Variants in LRRC4C observed in about 807,000 individuals in gnomAD.
The protein encoded by LRRC4C is leucine rich repeat containing 4C.
LRRC4C carries 5 observed loss-of-function variants against 33.6 expected under a neutral mutation model. That is an observed-to-expected ratio of 0.15 (90% CI 0.08 to 0.31). LRRC4C has a LOEUF of 0.31. LRRC4C is among the 10% of genes least tolerant of loss of function. LRRC4C has a pLI of 1.00. For missense variants in LRRC4C, 560 were observed against 796.7 expected (o/e 0.70, Z 3.58); for synonymous variants, 329 against 302.0 (o/e 1.09, Z -0.93).
At chr11:40,944,682 T>C (rs112559047) in intron 1 of LRRC4C, among the ~76,000 whole-genome samples, 75 of 152,252 alleles carry the variant, frequency 4.9e-4, no homozygotes, top group African/African-American at 1.7e-3. Context: ...GTCCTCGAGA[T>C]GATTCTGCAA....
At chr11:40,885,174 G>A (rs1239167583) in intron 2 of LRRC4C, among the ~76,000 whole-genome samples, 1 of 151,978 alleles carries the variant, frequency 6.6e-6, no homozygotes, top group East Asian at 1.9e-4. Flanking sequence ...TAAATTTATT[G>A]CTAGTCATTC....
At chr11:41,406,909 G>A (rs971347960) in intron 1 of LRRC4C, among the ~76,000 whole-genome samples, 1 of 152,048 alleles carries the variant, frequency 6.6e-6, no homozygotes, top group Non-Finnish European at 1.5e-5. Flanking sequence ...TGAGTGATTG[G>A]TAACTTCAAA....
At chr11:40,476,987 A>T (rs998405418) in intron 3 of LRRC4C, among the ~76,000 whole-genome samples, 4 of 152,150 alleles carry the variant, frequency 2.6e-5, no homozygotes, top group Non-Finnish European at 5.9e-5. Context: ...AAATGGATTG[A>T]TCCTTTTTCA....
intron 1 of LRRC4C, among the ~76,000 whole-genome samples, chr11:41,110,081 G>C (rs1590622101): frequency 6.6e-6 from 1 of 151,840 alleles, no homozygotes; most frequent in African/African-American, 2.4e-5. Flanking sequence ...TTGCTCCATG[G>C]GAAGTCAGAA....
intron 6 of LRRC4C, among the ~76,000 whole-genome samples, chr11:40,137,302 C>T (rs1056533879): frequency 2.0e-5 from 3 of 152,094 alleles, no homozygotes; most frequent in Non-Finnish European, 2.9e-5. Flanking sequence ...GAATTCACCA[C>T]GTGTCAATCA....
At chr11:40,244,260 C>T (rs1031570372) in intron 4 of LRRC4C, among the ~76,000 whole-genome samples, 9 of 151,992 alleles carry the variant, frequency 5.9e-5, no homozygotes, top group Admixed American at 5.9e-4. Context: ...GAAGAAGAAG[C>T]CTCAAGATCT....
intron 2 of LRRC4C, among the ~76,000 whole-genome samples, chr11:40,767,540 T>C (rs1003029583): frequency 6.6e-6 from 1 of 152,034 alleles, no homozygotes; most frequent in Non-Finnish European, 1.5e-5. Context: ...CATCATCACA[T>C]AGATCAGTTT....
At chr11:41,451,699 G>T (rs2138648363) in intron 1 of LRRC4C, among the ~76,000 whole-genome samples, 1 of 152,176 alleles carries the variant, frequency 6.6e-6, no homozygotes, top group South Asian at 2.1e-4. Context: ...GCAGCCAGGG[G>T]AACACTCAGA....
intron 4 of LRRC4C, among the ~76,000 whole-genome samples, chr11:40,263,666 A>G (rs952619663): frequency 6.6e-6 from 1 of 152,186 alleles, no homozygotes; most frequent in African/African-American, 2.4e-5. Flanking sequence ...TGTCCTTGGC[A>G]TTTTAATAGA....
At chr11:41,173,698 C>T (rs969245922) in intron 1 of LRRC4C, among the ~76,000 whole-genome samples, 2 of 152,032 alleles carry the variant, frequency 1.3e-5, no homozygotes, top group Admixed American at 6.6e-5. Flanking sequence ...TCTTTTCTTC[C>T]GATATTCCTT....
chr11:40,533,436 T>A (rs1401003338), intron 3 of LRRC4C, among the ~76,000 whole-genome samples: 1 of 151,746 alleles, frequency 6.6e-6, no homozygotes, highest in African/African-American at 2.4e-5. Flanking sequence ...TGCCTCAGGG[T>A]CTCTTTTTGC....
intron 1 of LRRC4C, among the ~76,000 whole-genome samples, chr11:41,328,812 G>T (rs1951204207): frequency 6.6e-6 from 1 of 152,108 alleles, no homozygotes; most frequent in African/African-American, 2.4e-5. Flanking sequence ...CTCAAGCCAG[G>T]CTCTCATTTC....
At chr11:40,353,213 A>T (rs1199101790) in intron 3 of LRRC4C, among the ~76,000 whole-genome samples, 1 of 151,154 alleles carries the variant, frequency 6.6e-6, no homozygotes, top group Non-Finnish European at 1.5e-5. Flanking sequence ...TATCTCTTAG[A>T]TTTGCCTTTT....
intron 1 of LRRC4C, among the ~76,000 whole-genome samples, chr11:41,028,266 G>A (rs1856506894): frequency 6.6e-6 from 1 of 150,990 alleles, no homozygotes; most frequent in East Asian, 1.9e-4. Context: ...ATCAATCTAA[G>A]CATTAAAAAA....
chr11:40,219,934 A>T lies in LRRC4C; in HGVS notation c.-96+21585T>A, dbSNP rs566179882. ...AATGGGTAACTATGTGAGCTAACAG[A>T]TGTGTTAACTTGCTTCTTTGTAGTA... On this transcript the variant is annotated intron_variant, in intron 5 of 6. Coordinates refer to ENST00000528697, the MANE Select transcript of LRRC4C (RefSeq NM_001258419.2). 2.0e-5 allele frequency among the ~76,000 whole-genome samples: 3 copies of T among 152,324 alleles called. No homozygotes were observed. The East Asian group carries it at 5.8e-4, about 29-fold the overall frequency.
At chr11:40,670,813 G>T (rs921824140) in intron 2 of LRRC4C, among the ~76,000 whole-genome samples, 3 of 152,142 alleles carry the variant, frequency 2.0e-5, no homozygotes, top group African/African-American at 7.2e-5. Context: ...GCCCAGGCTG[G>T]AGTGCAGTGA....
At chr11:41,347,189 T>C (rs770950775) in intron 1 of LRRC4C, among the ~76,000 whole-genome samples, 2 of 152,204 alleles carry the variant, frequency 1.3e-5, no homozygotes, top group East Asian at 1.9e-4. Context: ...GGAAACTCTC[T>C]GGCTGAAACG....
intron 4 of LRRC4C, among the ~76,000 whole-genome samples, chr11:40,296,252 C>T (rs568286419): frequency 2.0e-5 from 3 of 152,312 alleles, no homozygotes; most frequent in African/African-American, 7.2e-5. Flanking sequence ...GACTCATTCA[C>T]ACTATATGAC....
intron 1 of LRRC4C, among the ~76,000 whole-genome samples, chr11:41,154,054 C>A (rs1432327740): frequency 6.6e-6 from 1 of 152,092 alleles, no homozygotes; most frequent in Non-Finnish European, 1.5e-5. Context: ...AACGGTGTAG[C>A]CCTGTCAATA....
Sources: gnomAD v4.1 joint callset for allele counts (sites outside exome capture counted in the v4.1 genomes callset) on GRCh38, gnomAD v4.1.1 for gene constraint, MANE v1.5 for transcripts, NCBI Gene and HGNC (gene_info 2026-07-23, HGNC 2026-07-21) for gene names.